The following AGBL1 variants were observed in gnomAD, a reference collection of about 807,000 sequenced individuals.
The protein encoded by AGBL1 is AGBL carboxypeptidase 1.
A neutral mutation model predicts 118.9 loss-of-function variants in AGBL1; 130 were observed. The ratio of observed to expected loss-of-function variants is 1.09; its 90% CI spans 0.95 to 1.26. AGBL1 has a LOEUF of 1.26. AGBL1 is among the 50% of genes most tolerant of loss of function. The pLI is 0.00. For synonymous variants in AGBL1, 555 were observed against 478.9 expected, an observed-to-expected ratio of 1.16 and a Z score of -2.08; for missense variants, 1,584 against 1,298.1, an observed-to-expected ratio of 1.22 and a Z score of -3.38.
At chr15:86,845,849 C>G (rs1256407042) in intron 22 of AGBL1, among the ~76,000 whole-genome samples, 1 of 152,140 alleles carries the variant, frequency 6.6e-6, no homozygotes, top group Non-Finnish European at 1.5e-5. Context: ...TGTTCATTCT[C>G]TCAATCCTCT....
intron 4 of AGBL1, among the ~76,000 whole-genome samples, 153 bp from the exon 5 acceptor site, chr15:86,158,780 A>G (rs111815301): frequency 1.8e-5 from 2 of 113,042 alleles, no homozygotes; most frequent in South Asian, 5.1e-4. Flanking sequence ...CGAGAATGAC[A>G]TTATAGAGGA....
chr15:86,674,256 C>T lies in AGBL1; in HGVS notation c.2995-17C>T, dbSNP rs1299779129. 6.2e-7 allele frequency: 1 copy of T among 1,600,284 alleles called. No individual in the cohort carries two copies. Among genetic ancestry groups the T allele is most frequent in the East Asian group, 2.3e-5 (1 of 44,344 alleles). ...CCATTATACGTTGCCACAGTTAATG[C>T]TTTGTTTAACTGGCAGGGTCTACAG... is the stretch of plus-strand genomic sequence containing the variant. On this transcript the variant is annotated splice_polypyrimidine_tract_variant and intron_variant, in intron 21 of 22. Transcript: ENST00000614907.
intron 22 of AGBL1, among the ~76,000 whole-genome samples, chr15:86,867,683 G>A (rs1403301124): frequency 6.6e-6 from 1 of 152,094 alleles, no homozygotes; most frequent in Non-Finnish European, 1.5e-5. Flanking sequence ...GATATTTTAG[G>A]CTCAATTTTA....
intron 17 of AGBL1, among the ~76,000 whole-genome samples, chr15:86,345,912 C>G (rs1350072483): frequency 6.6e-6 from 1 of 151,842 alleles, no homozygotes; most frequent in East Asian, 1.9e-4. Context: ...TGGCCTTCTT[C>G]TTGCTGATTT....
chr15:86,997,831 G>A (rs1433450), intron 24 of AGBL1, among the ~76,000 whole-genome samples: 6,877 of 150,854 alleles, frequency 0.046, 266 homozygotes, highest in South Asian at 0.18. Flanking sequence ...ATGAGAGGAA[G>A]ACATATTTCA....
chr15:86,585,291 A>T (rs921086125), intron 21 of AGBL1, among the ~76,000 whole-genome samples: 3 of 152,152 alleles, frequency 2.0e-5, no homozygotes, highest in African/African-American at 7.2e-5. Flanking sequence ...GAGTCAGAAG[A>T]TAGAATGCTG....
rs751427467 is a variant in AGBL1, at chr15:86,391,640, G to GTTTTT, written c.2375-5705_2375-5701dup. ...ATACCTTTGTATAATGTTGTTGTTG[G>GTTTTT]TTTTTTTTTTTTTTTTTTTTTTTTT... On this transcript the variant is annotated intron_variant, in intron 17 of 22. Coordinates refer to ENST00000614907, the MANE Select transcript of AGBL1 (RefSeq NM_001386094.1). Among the ~76,000 whole-genome samples the GTTTTT allele has an allele frequency of 8.2e-3, 603 of 73,786 alleles. 8 individuals are homozygous for GTTTTT. The highest frequency in any genetic ancestry group is 0.015 in the Middle Eastern group (1 of 66). The allele number at this position is 73,786 out of a possible 152,430, so 48.4% of individuals were successfully genotyped here.
intron 22 of AGBL1, among the ~76,000 whole-genome samples, chr15:86,721,086 A>T (rs1473530730): frequency 6.6e-6 from 1 of 152,204 alleles, no homozygotes; most frequent in Non-Finnish European, 1.5e-5. Context: ...AGGAGCTGGT[A>T]CCATTCCTTC....
intron 22 of AGBL1, among the ~76,000 whole-genome samples, chr15:86,783,642 T>C (rs1282537988): frequency 2.0e-5 from 3 of 152,170 alleles, no homozygotes; most frequent in Admixed American, 6.5e-5. Context: ...TTATTTGTAT[T>C]TTTTTGAGAC....
chr15:86,293,666 A>G (rs2079585157), intron 16 of AGBL1, among the ~76,000 whole-genome samples: 1 of 152,194 alleles, frequency 6.6e-6, no homozygotes, highest in Non-Finnish European at 1.5e-5. Context: ...TTTGGGGGCC[A>G]CTATTCTTCT....
chr15:86,686,842 A>G (rs2086066744), intron 22 of AGBL1, among the ~76,000 whole-genome samples: 1 of 152,178 alleles, frequency 6.6e-6, no homozygotes, highest in Non-Finnish European at 1.5e-5. Context: ...AAACTGAGGC[A>G]CAGAGAGCTT....
chr15:86,422,725 A>G (rs987874758), intron 18 of AGBL1, among the ~76,000 whole-genome samples: 17 of 152,194 alleles, frequency 1.1e-4, no homozygotes, highest in Admixed American at 1.0e-3. Context: ...AAAAGAGAGA[A>G]GAATCAAATA....
At chr15:86,086,750 A>G (rs1439235239) in intron 1 of AGBL1, among the ~76,000 whole-genome samples, 2 of 152,182 alleles carry the variant, frequency 1.3e-5, no homozygotes, top group Admixed American at 1.3e-4. Flanking sequence ...ATTTGTGCAT[A>G]TAAGTTGCTT....
chr15:86,085,719 G>A (rs1180323981), intron 1 of AGBL1, among the ~76,000 whole-genome samples: 1 of 152,204 alleles, frequency 6.6e-6, no homozygotes, highest in Non-Finnish European at 1.5e-5. Context: ...AGGAAGGGCT[G>A]GGATGAACTG....
intron 22 of AGBL1, among the ~76,000 whole-genome samples, chr15:86,761,440 T>C (rs1416771392): frequency 6.6e-6 from 1 of 152,082 alleles, no homozygotes; most frequent in Non-Finnish European, 1.5e-5. Flanking sequence ...TTGAATAGCC[T>C]GTATGAAAAA....
chr15:86,795,151 C>T (rs1596487648), intron 22 of AGBL1, among the ~76,000 whole-genome samples: 1 of 152,188 alleles, frequency 6.6e-6, no homozygotes. Context: ...AGCCCTGGCA[C>T]TTTAGCTGCA....
intron 9 of AGBL1, among the ~76,000 whole-genome samples, chr15:86,258,346 G>A (rs1195882079): frequency 1.3e-5 from 2 of 152,126 alleles, no homozygotes; most frequent in East Asian, 3.9e-4. Flanking sequence ...TATTTGATAA[G>A]ACCATTTAAG....
chr15:86,952,546 T>G (rs1004963819), intron 23 of AGBL1, among the ~76,000 whole-genome samples: 2 of 152,192 alleles, frequency 1.3e-5, no homozygotes, highest in African/African-American at 4.8e-5. Context: ...TTCTTTCTTG[T>G]TGATTTGTTT....
chr15:86,338,782 G>A (rs1163874002), intron 17 of AGBL1, among the ~76,000 whole-genome samples: 3 of 152,180 alleles, frequency 2.0e-5, no homozygotes, highest in South Asian at 2.1e-4. Context: ...AGTCATCCAC[G>A]TAAAGCTAGA....
Sources: gnomAD v4.1 joint callset for allele counts (sites outside exome capture counted in the v4.1 genomes callset) on GRCh38, gnomAD v4.1.1 for gene constraint, MANE v1.5 for transcripts, NCBI Gene and HGNC (gene_info 2026-07-23, HGNC 2026-07-21) for gene names.